CCDC178: variants seen among roughly 807,000 people sequenced by gnomAD.
CCDC178 encodes the protein coiled-coil domain containing 178, also known as coiled-coil domain-containing protein 178.
In CCDC178, 126 loss-of-function variants were observed where a neutral mutation model predicts 117.4. The ratio of observed to expected loss-of-function variants is 1.07; its 90% CI spans 0.93 to 1.24. The LOEUF is 1.24. Ranked by LOEUF, CCDC178 falls within the 50% of genes most tolerant of loss-of-function variation. The probability of loss-of-function intolerance (pLI) is 0.00; values close to 1 mark genes in which losing one functional copy is unlikely to be tolerated. For missense variants in CCDC178, 1,030 were observed against 986.9 expected (o/e 1.04, Z -0.59); for synonymous variants, 283 against 313.4 (o/e 0.90, Z 1.02).
chr18:33,439,734 G>C (rs937670311), intron 2 of CCDC178, among the ~76,000 whole-genome samples: 1 of 152,184 alleles, frequency 6.6e-6, no homozygotes, highest in African/African-American at 2.4e-5. Context: ...TTTGGGTCAA[G>C]ATGCCCAGAG....
intron 15 of CCDC178, among the ~76,000 whole-genome samples, chr18:33,227,646 C>T (rs1212419137): frequency 6.7e-6 from 1 of 149,834 alleles, no homozygotes; most frequent in African/African-American, 2.5e-5. Context: ...TCTCTGATAC[C>T]CCTACTTCAA....
chr18:33,057,284 T>C (rs954326995), intron 21 of CCDC178, among the ~76,000 whole-genome samples: 1 of 152,206 alleles, frequency 6.6e-6, no homozygotes, highest in Non-Finnish European at 1.5e-5. Flanking sequence ...TTTATATCTA[T>C]ATAAAATGGG....
intron 21 of CCDC178, among the ~76,000 whole-genome samples, chr18:33,035,312 G>A (rs2056423076): frequency 6.6e-6 from 1 of 151,878 alleles, no homozygotes; most frequent in African/African-American, 2.4e-5. Flanking sequence ...CATACAAGTG[G>A]AATGGTTTGG....
At chr18:33,355,828 A>C (rs1437686491) in intron 7 of CCDC178, among the ~76,000 whole-genome samples, 1 of 152,170 alleles carries the variant, frequency 6.6e-6, no homozygotes, top group Non-Finnish European at 1.5e-5. Context: ...TCTGGGAGCT[A>C]TCAGATCACT....
At chr18:33,414,843 C>T (rs905316654) in intron 2 of CCDC178, among the ~76,000 whole-genome samples, 1 of 152,170 alleles carries the variant, frequency 6.6e-6, no homozygotes, top group African/African-American at 2.4e-5. Flanking sequence ...AGAACTCAAA[C>T]AAATTTACAA....
At chr18:33,243,238 T>G (rs1398971738) in intron 15 of CCDC178, among the ~76,000 whole-genome samples, 1 of 151,780 alleles carries the variant, frequency 6.6e-6, no homozygotes, top group Admixed American at 6.6e-5. Flanking sequence ...CAGAGAATAC[T>G]GAAAAGTGGG....
intron 20 of CCDC178, among the ~76,000 whole-genome samples, chr18:33,175,773 A>T (rs1408121967): frequency 1.3e-5 from 2 of 151,870 alleles, no homozygotes; most frequent in African/African-American, 4.8e-5. Context: ...TGGCAGTGAC[A>T]CCCCTGTCTC....
chr18:33,377,317 A>G (rs1206422518), intron 5 of CCDC178, among the ~76,000 whole-genome samples: 2 of 23,506 alleles, frequency 8.5e-5, no homozygotes, highest in African/African-American at 9.7e-5. Context: ...AAATTTTTTT[A>G]AGTTCCTTAG....
At chr18:33,360,841 G>A (rs542975658) in intron 6 of CCDC178, among the ~76,000 whole-genome samples, 15 of 151,708 alleles carry the variant, frequency 9.9e-5, no homozygotes, top group African/African-American at 3.6e-4. Context: ...GAAAGAAATT[G>A]AGCGTGATGC....
At chr18:33,286,278 A>C (rs191010083) in intron 12 of CCDC178, among the ~76,000 whole-genome samples, 1 of 152,236 alleles carries the variant, frequency 6.6e-6, no homozygotes, top group Non-Finnish European at 1.5e-5. Context: ...CCTGGCCAGC[A>C]ATGTGTATTT....
intron 2 of CCDC178, among the ~76,000 whole-genome samples, chr18:33,439,086 C>A (rs1207309151): frequency 1.3e-5 from 2 of 152,176 alleles, no homozygotes; most frequent in Non-Finnish European, 2.9e-5. Flanking sequence ...AAGAAGAATT[C>A]ATCGAGTGTT....
intron 21 of CCDC178, among the ~76,000 whole-genome samples, chr18:33,076,487 A>G (rs1316879026): frequency 6.6e-6 from 1 of 152,158 alleles, no homozygotes; most frequent in Non-Finnish European, 1.5e-5. Context: ...CAGAAATGAG[A>G]GTTTCTAATT....
At chr18:33,002,078 G>C (rs1180785836) in intron 21 of CCDC178, among the ~76,000 whole-genome samples, 1 of 152,152 alleles carries the variant, frequency 6.6e-6, no homozygotes, top group Admixed American at 6.5e-5. Context: ...CATAATAACA[G>C]CTGGAGATTT....
chr18:33,124,185 T>C (rs1420781131), intron 20 of CCDC178, among the ~76,000 whole-genome samples: 1 of 152,214 alleles, frequency 6.6e-6, no homozygotes, highest in East Asian at 1.9e-4. Context: ...ATTGTTTACT[T>C]TATCCTCCGT....
chr18:33,028,921 GTT>G (rs2056280671), intron 21 of CCDC178, among the ~76,000 whole-genome samples: 1 of 151,654 alleles, frequency 6.6e-6, no homozygotes, highest in African/African-American at 2.4e-5. Context: ...GATTTTGTTT[GTT>G]TGTATATTAT....
chr18:33,074,257 G>C (rs1000598914), intron 21 of CCDC178, among the ~76,000 whole-genome samples: 5 of 151,842 alleles, frequency 3.3e-5, no homozygotes, highest in Non-Finnish European at 4.4e-5. Flanking sequence ...TAAGTGTATA[G>C]CACAATGAAT....
intron 21 of CCDC178, among the ~76,000 whole-genome samples, chr18:32,997,422 T>G (rs182209974): frequency 6.6e-6 from 1 of 152,164 alleles, no homozygotes; most frequent in Admixed American, 6.5e-5. Context: ...CCAACCACTA[T>G]GAAAGGGAGG....
At chr18:33,030,851 A>T (rs2056328206) in intron 21 of CCDC178, among the ~76,000 whole-genome samples, 1 of 152,182 alleles carries the variant, frequency 6.6e-6, no homozygotes, top group Non-Finnish European at 1.5e-5. Flanking sequence ...TCACATGATC[A>T]CAGAAGCTGA....
intron 5 of CCDC178, among the ~76,000 whole-genome samples, chr18:33,387,967 C>T (rs1222708950): frequency 6.6e-6 from 1 of 151,974 alleles, no homozygotes; most frequent in African/African-American, 2.4e-5. Context: ...ATCCATCTGA[C>T]AAAGGTCTAA....
Sources: allele counts gnomAD v4.1 joint callset (sites outside exome capture counted in the v4.1 genomes callset), GRCh38; gene constraint gnomAD v4.1.1; transcripts MANE v1.5; gene names NCBI Gene and HGNC (gene_info 2026-07-23, HGNC 2026-07-21).